The following MAF variants were observed in gnomAD, a reference collection of about 807,000 sequenced individuals.
The protein encoded by MAF is MAF bZIP transcription factor.
Under a neutral mutation model 22.0 loss-of-function variants are expected in MAF, and 10 were observed. The observed-to-expected ratio is 0.45, with a 90% CI of 0.28 to 0.77. MAF has a LOEUF of 0.77. Among genes scored for constraint, MAF ranks in the 30% least tolerant of loss-of-function variants. The pLI is 0.12. For synonymous variants in MAF, 337 were observed against 255.8 expected (o/e 1.32, Z -3.03); for missense variants, 544 against 548.4 (o/e 0.99, Z 0.08).
the MAF span, among the ~76,000 whole-genome samples, chr16:79,488,026 A>G: frequency 0.78 from 118,717 of 152,172 alleles, 46,565 homozygotes; most frequent in Middle Eastern, 0.88. Flanking sequence ...AAATCAGTGG[A>G]AGAACTATTT....
the MAF span, among the ~76,000 whole-genome samples, chr16:79,429,436 T>A: frequency 6.6e-6 from 1 of 152,124 alleles, no homozygotes; most frequent in Non-Finnish European, 1.5e-5. Flanking sequence ...GCAGGAGACC[T>A]CCCCTCTGAG....
At chr16:79,483,931 G>C in the MAF span, among the ~76,000 whole-genome samples, 1 of 152,206 alleles carries the variant, frequency 6.6e-6, no homozygotes, top group Non-Finnish European at 1.5e-5. Flanking sequence ...GCAGGAATGT[G>C]TTACCCCTCC....
At chr16:79,491,762 C>T in the MAF span, among the ~76,000 whole-genome samples, 1 of 152,186 alleles carries the variant, frequency 6.6e-6, no homozygotes, top group Non-Finnish European at 1.5e-5. Flanking sequence ...CCTGAAAAGT[C>T]TCTTCCTATG....
chr16:79,437,641 C>A, the MAF span, among the ~76,000 whole-genome samples: 1 of 152,202 alleles, frequency 6.6e-6, no homozygotes, highest in East Asian at 1.9e-4. Flanking sequence ...AGAGCTCATG[C>A]CGGTCACCCA....
At chr16:79,457,862 CTG>C in the MAF span, among the ~76,000 whole-genome samples, 2 of 152,122 alleles carry the variant, frequency 1.3e-5, no homozygotes, top group Non-Finnish European at 2.9e-5. Flanking sequence ...TTATCCACAG[CTG>C]CCTCCCACAG....
the MAF span, among the ~76,000 whole-genome samples, chr16:79,469,385 G>A: frequency 6.6e-6 from 1 of 152,134 alleles, no homozygotes. Context: ...GACAGATCTT[G>A]TTTGATGACC....
the MAF span, among the ~76,000 whole-genome samples, chr16:79,519,575 C>T: frequency 6.6e-6 from 1 of 152,212 alleles, no homozygotes; most frequent in African/African-American, 2.4e-5. Flanking sequence ...AACCCAGTTC[C>T]TTATCGCTTG....
chr16:79,502,926 TAC>T, the MAF span, among the ~76,000 whole-genome samples: 2 of 151,374 alleles, frequency 1.3e-5, no homozygotes, highest in African/African-American at 4.9e-5. Flanking sequence ...ACACTAAAAC[TAC>T]ACACATCTTA....
downstream of MAF, among the ~76,000 whole-genome samples, chr16:79,592,955 G>C (rs867335111): frequency 2.6e-5 from 4 of 152,152 alleles, no homozygotes; most frequent in East Asian, 1.9e-4. Flanking sequence ...TATTAGCAGC[G>C]CTAAGAAGAG....
chr16:79,281,562 T>TG, the MAF span, among the ~76,000 whole-genome samples: 1 of 150,592 alleles, frequency 6.6e-6, no homozygotes, highest in East Asian at 2.0e-4. Flanking sequence ...TTTTTTTTTT[T>TG]TTTTTGAGAG....
the MAF span, among the ~76,000 whole-genome samples, chr16:79,474,935 T>C: frequency 1.1e-4 from 17 of 152,240 alleles, no homozygotes; most frequent in Non-Finnish European, 2.2e-4. Context: ...CAACTAGAAA[T>C]GTGTGCATTA....
At chr16:79,512,496 TC>T in the MAF span, among the ~76,000 whole-genome samples, 4 of 152,070 alleles carry the variant, frequency 2.6e-5, no homozygotes, top group Non-Finnish European at 5.9e-5. Flanking sequence ...CAGGCCCATC[TC>T]CAGGTGTCCT....
chr16:79,417,572 A>C, the MAF span, among the ~76,000 whole-genome samples: 1 of 152,224 alleles, frequency 6.6e-6, no homozygotes, highest in South Asian at 2.1e-4. Flanking sequence ...GGGGACAGAC[A>C]ACCGAAGGAG....
chr16:79,254,169 C>G, the MAF span, among the ~76,000 whole-genome samples: 1 of 151,972 alleles, frequency 6.6e-6, no homozygotes, highest in Non-Finnish European at 1.5e-5. Flanking sequence ...GAAAAATAAT[C>G]AAGCATATTA....
At chr16:79,481,587 C>T in the MAF span, among the ~76,000 whole-genome samples, 1 of 151,982 alleles carries the variant, frequency 6.6e-6, no homozygotes, top group Non-Finnish European at 1.5e-5. Context: ...AATCTATTCG[C>T]CCATCCATCA....
the MAF span, among the ~76,000 whole-genome samples, chr16:79,544,415 T>C: frequency 4.6e-5 from 7 of 152,110 alleles, no homozygotes; most frequent in Non-Finnish European, 7.3e-5. Flanking sequence ...GAGATGGAGG[T>C]ATTTTGAGTG....
chr16:79,461,824 T>G, the MAF span, among the ~76,000 whole-genome samples: 3 of 152,086 alleles, frequency 2.0e-5, no homozygotes, highest in Non-Finnish European at 4.4e-5. Flanking sequence ...CCTATGCCAG[T>G]TTTCCACTTC....
chr16:79,319,897 A>G, the MAF span, among the ~76,000 whole-genome samples: 1 of 152,192 alleles, frequency 6.6e-6, no homozygotes, highest in African/African-American at 2.4e-5. Flanking sequence ...TTTGATCAGG[A>G]TGGTTGGAGA....
the MAF span, among the ~76,000 whole-genome samples, chr16:79,340,964 T>C: frequency 6.6e-6 from 1 of 152,146 alleles, no homozygotes; most frequent in Non-Finnish European, 1.5e-5. Context: ...TCAGGTGACA[T>C]TTAAGATGGG....
Sources: gnomAD v4.1 joint callset for allele counts (sites outside exome capture counted in the v4.1 genomes callset) on GRCh38, gnomAD v4.1.1 for gene constraint, MANE v1.5 for transcripts, NCBI Gene and HGNC (gene_info 2026-07-23, HGNC 2026-07-21) for gene names.